The following CLDN2 variants were observed in gnomAD, a reference collection of about 807,000 sequenced individuals.
The protein encoded by CLDN2 is claudin-2.
A neutral mutation model predicts 8.2 loss-of-function variants in CLDN2; 1 was observed. The observed-to-expected ratio is 0.12, with a 90% CI of 0.04 to 0.58. CLDN2 has a LOEUF of 0.58. Ranked by LOEUF, CLDN2 falls within the 20% of genes least tolerant of loss-of-function variation. The pLI, the probability that CLDN2 is intolerant of heterozygous loss-of-function variation, is 0.90. For synonymous variants in CLDN2, 70 were observed against 70.2 expected, an observed-to-expected ratio of 1.00 and a Z score of 0.01; for missense variants, 108 against 172.9, an observed-to-expected ratio of 0.62 and a Z score of 2.11.
chrX:106,907,702 AAATAATAATAATAATAATAAT>A (rs200946606), intron 1 of CLDN2, among the ~76,000 whole-genome samples: 5 of 95,392 alleles, frequency 5.2e-5, no homozygotes, highest in African/African-American at 1.1e-4. Flanking sequence ...CTCCGTCTCA[AAATAATAATAATAATAATAAT>A]AATAATAATA....
intron 1 of CLDN2, among the ~76,000 whole-genome samples, chrX:106,925,181 G>A (rs1489618590): frequency 9.0e-6 from 1 of 111,523 alleles, no homozygotes; most frequent in Non-Finnish European, 1.9e-5. Flanking sequence ...AACCTGTGAC[G>A]ACTAAATAAG....
intron 1 of CLDN2, chrX:106,901,499 C>T: frequency 8.3e-7 from 1 of 1,211,572 alleles, no homozygotes; most frequent in Non-Finnish European, 1.1e-6. Context: ...AACTTGGATT[C>T]AGCCTTGGTG....
intron 1 of CLDN2, among the ~76,000 whole-genome samples, chrX:106,922,606 T>C (rs1274473776): frequency 8.9e-6 from 1 of 111,949 alleles, no homozygotes; most frequent in East Asian, 2.8e-4. Context: ...AAAGCTCAGA[T>C]ACAAATAGGA....
intron 1 of CLDN2, among the ~76,000 whole-genome samples, chrX:106,926,827 A>ACAC (rs1933474019): frequency 6.7e-3 from 417 of 62,492 alleles, no homozygotes; most frequent in Non-Finnish European, 8.6e-3. Context: ...ACACACACAC[A>ACAC]ACTAGCCAGG....
chrX:106,914,058 T>C (rs1477903656), upstream of CLDN2, among the ~76,000 whole-genome samples: 1 of 106,222 alleles, frequency 9.4e-6, no homozygotes, highest in African/African-American at 3.5e-5. Context: ...GCTCAAGTGA[T>C]TCTCCTGCCT....
chrX:106,901,885 C>T (rs1933104423), intron 1 of CLDN2, among the ~76,000 whole-genome samples: 1 of 111,952 alleles, frequency 8.9e-6, no homozygotes, highest in African/African-American at 3.2e-5. Flanking sequence ...GCCTCAAGCA[C>T]CAGCACTGCC....
chrX:106,924,526 G>C (rs1489150607), intron 1 of CLDN2, among the ~76,000 whole-genome samples: 1 of 110,498 alleles, frequency 9.0e-6, no homozygotes, highest in African/African-American at 3.3e-5. Context: ...TTCATCAAAT[G>C]TTTATCGGCT....
At chrX:106,922,420 A>G (rs1442502257) in intron 1 of CLDN2, among the ~76,000 whole-genome samples, 1 of 112,230 alleles carries the variant, frequency 8.9e-6, no homozygotes, top group African/African-American at 3.2e-5. Context: ...ACTTACTACT[A>G]CTTAGGACAG....
intron 1 of CLDN2, among the ~76,000 whole-genome samples, chrX:106,910,511 C>T (rs1322900398): frequency 9.1e-6 from 1 of 109,334 alleles, no homozygotes; most frequent in Non-Finnish European, 1.9e-5. Flanking sequence ...AGTTCAAGAC[C>T]CTCCCGGTCA....
At chrX:106,915,727 C>A (rs1353321911), upstream of CLDN2, among the ~76,000 whole-genome samples, 8 of 110,926 alleles carry the variant, frequency 7.2e-5, no homozygotes, top group Non-Finnish European at 1.5e-4. Context: ...AACCTTTATT[C>A]TCTCTTTCCT....
chrX:106,921,737 TC>T (rs1341156300), intron 1 of CLDN2, among the ~76,000 whole-genome samples: 1 of 112,150 alleles, frequency 8.9e-6, no homozygotes, highest in Non-Finnish European at 1.9e-5. Context: ...CTCCTGCAGC[TC>T]CAATCTCCCC....
At chrX:106,900,604 C>T (rs1159930911) in intron 1 of CLDN2, 6 of 1,006,132 alleles carry the variant, frequency 6.0e-6, no homozygotes, top group Admixed American at 3.9e-5. Context: ...TCTGTGAAAA[C>T]TTGCCAGACA....
chrX:106,924,281 GGAGGAGGTA>G (rs1404951888), intron 1 of CLDN2, among the ~76,000 whole-genome samples: 1 of 110,709 alleles, frequency 9.0e-6, no homozygotes, highest in African/African-American at 3.3e-5. Flanking sequence ...AGCTGCACAG[GGAGGAGGTA>G]GAGTAGGGAG....
At chrX:106,901,668 AC>A in intron 1 of CLDN2, 1 of 552,640 alleles carries the variant, frequency 1.8e-6, no homozygotes, top group East Asian at 3.5e-5. Flanking sequence ...GGACCCAGCA[AC>A]CCCCAATACC....
chrX:106,901,122 TG>T (rs1433598918), intron 1 of CLDN2, among the ~76,000 whole-genome samples: 1 of 112,221 alleles, frequency 8.9e-6, no homozygotes, highest in Non-Finnish European at 1.9e-5. Flanking sequence ...CTATAGTGGT[TG>T]GGTCGGGGGC....
chrX:106,922,342 G>GATCT (rs1423784831), intron 1 of CLDN2, among the ~76,000 whole-genome samples: 2 of 112,642 alleles, frequency 1.8e-5, no homozygotes, highest in Non-Finnish European at 3.8e-5. Flanking sequence ...TCAGACTCTA[G>GATCT]AGATTCCAAG....
At chrX:106,922,972 ATT>A (rs57514922) in intron 1 of CLDN2, among the ~76,000 whole-genome samples, 12,244 of 78,278 alleles carry the variant, frequency 0.16, 920 homozygotes, top group South Asian at 0.38. Context: ...AGCTCTGAAG[ATT>A]TTTTTTTTTT....
chrX:106,903,313 T>G, intron 1 of CLDN2: 1 of 1,173,969 alleles, frequency 8.5e-7, no homozygotes, highest in Non-Finnish European at 1.1e-6. Flanking sequence ...GCCAGTGGGG[T>G]CTCCTACTTC....
upstream of CLDN2, among the ~76,000 whole-genome samples, chrX:106,918,760 G>C (rs1271820841): frequency 9.0e-6 from 1 of 111,575 alleles, no homozygotes; most frequent in Non-Finnish European, 1.9e-5. Context: ...GAGGGAGTTG[G>C]TGTTGTACAC....
Sources: allele counts gnomAD v4.1 joint callset (sites outside exome capture counted in the v4.1 genomes callset), GRCh38; gene constraint gnomAD v4.1.1; transcripts MANE v1.5; gene names NCBI Gene and HGNC (gene_info 2026-07-23, HGNC 2026-07-21).